Variants in PDE4D observed in about 807,000 individuals in gnomAD.
The protein encoded by PDE4D is 3',5'-cyclic-AMP phosphodiesterase 4D.
Under a neutral mutation model 87.4 loss-of-function variants are expected in PDE4D, and 24 were observed. That is an observed-to-expected ratio of 0.27 (90% confidence interval 0.20 to 0.39). PDE4D has a LOEUF of 0.39. Ranked by LOEUF, PDE4D falls within the 10% of genes least tolerant of loss-of-function variation. PDE4D has a pLI of 1.00. For missense variants in PDE4D, 714 were observed against 1,041.0 expected, an observed-to-expected ratio of 0.69 and a Z score of 4.32; for synonymous variants, 384 against 383.2, an observed-to-expected ratio of 1.00 and a Z score of -0.02.
chr5:59,030,073 G>A (rs1757055968), intron 6 of PDE4D, among the ~76,000 whole-genome samples: 1 of 152,064 alleles, frequency 6.6e-6, no homozygotes, highest in South Asian at 2.1e-4. Flanking sequence ...ACCTGAAACT[G>A]TAAAGCTACT....
At chr5:60,165,616 G>A (rs1054583879) in intron 2 of PDE4D, among the ~76,000 whole-genome samples, 2 of 150,094 alleles carry the variant, frequency 1.3e-5, no homozygotes, top group African/African-American at 5.0e-5. Context: ...AATTTTAACA[G>A]TATTGATTAT....
intron 5 of PDE4D, among the ~76,000 whole-genome samples, chr5:59,132,292 G>A (rs1270372707): frequency 6.6e-6 from 1 of 152,122 alleles, no homozygotes; most frequent in African/African-American, 2.4e-5. Flanking sequence ...GAGATGACAG[G>A]TGAGCCAAGC....
chr5:59,479,135 G>T (rs12514658), intron 1 of PDE4D, among the ~76,000 whole-genome samples: 33,441 of 151,944 alleles, frequency 0.22, 4,023 homozygotes, highest in African/African-American at 0.3. Context: ...GATGGTTTGG[G>T]TCCTAGCTTC....
chr5:60,247,762 A>G (rs901581021), intron 1 of PDE4D, among the ~76,000 whole-genome samples: 2 of 151,876 alleles, frequency 1.3e-5, no homozygotes, highest in African/African-American at 4.8e-5. Context: ...AGACAGAGAA[A>G]GGGAGAGAGA....
At chr5:60,417,205 G>C (rs1045789190) in intron 1 of PDE4D, among the ~76,000 whole-genome samples, 1 of 152,176 alleles carries the variant, frequency 6.6e-6, no homozygotes, top group Non-Finnish European at 1.5e-5. Flanking sequence ...ATTCTGGGGC[G>C]GATTCTCCCC....
chr5:59,351,044 C>A (rs1412198669), intron 1 of PDE4D, among the ~76,000 whole-genome samples: 1 of 152,140 alleles, frequency 6.6e-6, no homozygotes, highest in Non-Finnish European at 1.5e-5. Flanking sequence ...ATGTATTTCA[C>A]AAAAGAAGCT....
intron 1 of PDE4D, among the ~76,000 whole-genome samples, chr5:59,596,743 CATG>C (rs1424400771): frequency 6.6e-6 from 1 of 152,040 alleles, no homozygotes; most frequent in African/African-American, 2.4e-5. Flanking sequence ...TGGGAATAAG[CATG>C]ATAACTTGAC....
At chr5:59,578,054 CAT>C (rs1823474205) in intron 1 of PDE4D, among the ~76,000 whole-genome samples, 1 of 152,044 alleles carries the variant, frequency 6.6e-6, no homozygotes, top group African/African-American at 2.4e-5. Context: ...AAGCAGGTTA[CAT>C]ATATATGGAT....
chr5:59,045,697 C>T (rs1220560158), intron 5 of PDE4D, among the ~76,000 whole-genome samples: 1 of 151,968 alleles, frequency 6.6e-6, no homozygotes, highest in Non-Finnish European at 1.5e-5. Flanking sequence ...CCATGTCAGG[C>T]ATCTGCAGGT....
At chr5:59,231,002 G>A (rs1007946261) in intron 1 of PDE4D, among the ~76,000 whole-genome samples, 2 of 152,098 alleles carry the variant, frequency 1.3e-5, no homozygotes, top group African/African-American at 4.8e-5. Context: ...AAAAAGATAT[G>A]TCTCATTATG....
intron 1 of PDE4D, among the ~76,000 whole-genome samples, chr5:59,698,396 T>A (rs1161627363): frequency 6.6e-6 from 1 of 152,018 alleles, no homozygotes; most frequent in East Asian, 1.9e-4. Flanking sequence ...TTTGAGAAGT[T>A]GACTATGTTG....
chr5:60,404,061 T>C (rs1297976074), intron 1 of PDE4D, among the ~76,000 whole-genome samples: 1 of 151,924 alleles, frequency 6.6e-6, no homozygotes, highest in Non-Finnish European at 1.5e-5. Flanking sequence ...AAGGAAGATC[T>C]AGGAAAAAGG....
At chr5:59,302,994 C>A (rs1263063661) in intron 1 of PDE4D, among the ~76,000 whole-genome samples, 2 of 152,302 alleles carry the variant, frequency 1.3e-5, no homozygotes, top group East Asian at 3.9e-4. Flanking sequence ...AGTTTGCATT[C>A]CCACCAGCAG....
intron 1 of PDE4D, among the ~76,000 whole-genome samples, chr5:60,195,758 AC>A (rs1741139379): frequency 1.3e-5 from 2 of 151,652 alleles, no homozygotes; most frequent in South Asian, 4.2e-4. Flanking sequence ...CTGGTGTGGG[AC>A]CCCCGAGGAG....
intron 1 of PDE4D, among the ~76,000 whole-genome samples, chr5:60,185,936 G>GAAAAA (rs11451682): frequency 7.2e-6 from 1 of 139,300 alleles, no homozygotes; most frequent in Non-Finnish European, 1.6e-5. Flanking sequence ...TTTAGTGGCT[G>GAAAAA]AAAAAAAAAA....
intron 1 of PDE4D, among the ~76,000 whole-genome samples, chr5:59,669,442 A>G (rs1318525385): frequency 2.0e-5 from 3 of 152,252 alleles, no homozygotes; most frequent in East Asian, 3.9e-4. Context: ...GTAAATAAAT[A>G]CTCTAAATAA....
chr5:60,065,681 T>C (rs1402071040), intron 2 of PDE4D, among the ~76,000 whole-genome samples: 1 of 152,250 alleles, frequency 6.6e-6, no homozygotes, highest in South Asian at 2.1e-4. Flanking sequence ...AGTGAGAATA[T>C]GCGTGTTTGC....
intron 1 of PDE4D, among the ~76,000 whole-genome samples, chr5:59,436,142 C>T (rs1796768969): frequency 6.6e-6 from 1 of 152,180 alleles, no homozygotes; most frequent in African/African-American, 2.4e-5. Context: ...TATGTTCATA[C>T]ATTAGCTTTT....
intron 1 of PDE4D, among the ~76,000 whole-genome samples, chr5:60,417,899 A>G (rs199719217): frequency 0.019 from 2,018 of 109,036 alleles, 41 homozygotes; most frequent in African/African-American, 0.069. Flanking sequence ...AGAGAGAGGG[A>G]AAAAAAAAAC....
Sources: allele counts gnomAD v4.1 joint callset (sites outside exome capture counted in the v4.1 genomes callset), GRCh38; gene constraint gnomAD v4.1.1; transcripts MANE v1.5; gene names NCBI Gene and HGNC (gene_info 2026-07-23, HGNC 2026-07-21).